SLC4A5: variants seen among roughly 807,000 people sequenced by gnomAD.
SLC4A5 encodes the protein solute carrier family 4 member 5, also known as electrogenic sodium bicarbonate cotransporter 4.
A neutral mutation model predicts 120.4 loss-of-function variants in SLC4A5; 96 were observed. The ratio of observed to expected loss-of-function variants is 0.80; its 90% CI spans 0.68 to 0.94. The LOEUF is 0.94. SLC4A5 is among the 40% of genes least tolerant of loss of function. The pLI is 0.00. For synonymous variants in SLC4A5, 550 were observed against 571.1 expected (o/e 0.96, Z 0.53); for missense variants, 1,259 against 1,459.5 (o/e 0.86, Z 2.24).
In SLC4A5 at chr2:74,232,666, G is replaced by T. The variant is rs1326151404; in HGVS notation, c.2596-19C>A. 6.2e-7 allele frequency: 1 copy of T among 1,608,740 alleles called. No homozygotes were observed. Among genetic ancestry groups the T allele is most frequent in the Non-Finnish European group, 8.5e-7 (1 of 1,178,536 alleles). On this transcript the variant is annotated intron_variant, in intron 23 of 30. Transcript: ENST00000394019. The stretch of plus-strand genomic sequence containing the variant: ...CAGCCTTCTGCAGGAGCGGGGTTGG[G>T]GGAGGGAGAAGTTTCTGGGGAGCCA...
At chr2:74,302,986 G>A (rs1672518838) in intron 7 of SLC4A5, among the ~76,000 whole-genome samples, 2 of 151,314 alleles carry the variant, frequency 1.3e-5, no homozygotes, top group African/African-American at 4.9e-5. Flanking sequence ...CTTTCCTCTT[G>A]GTCTCTGATG....
At chr2:74,312,577 G>A (rs1370140516) in intron 6 of SLC4A5, among the ~76,000 whole-genome samples, 3 of 152,104 alleles carry the variant, frequency 2.0e-5, no homozygotes, top group Non-Finnish European at 4.4e-5. Context: ...GTTGGGTCTT[G>A]TTTTTTGATC....
chr2:74,326,289 C>T (rs992786716), intron 5 of SLC4A5, among the ~76,000 whole-genome samples: 1 of 152,210 alleles, frequency 6.6e-6, no homozygotes, highest in Non-Finnish European at 1.5e-5. Context: ...CAGCCTCTGG[C>T]ATGCAGCAAA....
chr2:74,275,056 C>CT, intron 8 of SLC4A5, among the ~76,000 whole-genome samples: 1 of 152,314 alleles, frequency 6.6e-6, no homozygotes, highest in Admixed American at 6.5e-5. Context: ...GAATGAAAGT[C>CT]TTTCCTTTTG....
At chr2:74,307,601 G>A (rs1224989922) in intron 6 of SLC4A5, 18 of 733,212 alleles carry the variant, frequency 2.5e-5, no homozygotes, top group East Asian at 1.5e-4. Context: ...AGATCTGAGC[G>A]CTCATGTCCT....
intron 8 of SLC4A5, among the ~76,000 whole-genome samples, chr2:74,271,701 C>T (rs1266076321): frequency 1.3e-5 from 2 of 151,588 alleles, no homozygotes; most frequent in Non-Finnish European, 2.9e-5. Context: ...CTCCCTTCTG[C>T]TTGAGGGTAG....
intron 11 of SLC4A5, among the ~76,000 whole-genome samples, chr2:74,261,267 C>T (rs1421254473): frequency 6.6e-6 from 1 of 152,188 alleles, no homozygotes; most frequent in Non-Finnish European, 1.5e-5. Flanking sequence ...AAGGTCTTCC[C>T]GAAGCCACTC....
At chr2:74,227,773 C>T (rs1277817065) in intron 26 of SLC4A5, 37 bp downstream of exon 26, 1 of 1,549,732 alleles carries the variant, frequency 6.5e-7, no homozygotes, top group African/African-American at 1.4e-5. Flanking sequence ...GGAATGTTGA[C>T]TCCAGATCAT....
At chr2:74,282,037 G>A (rs1163380961) in intron 8 of SLC4A5, among the ~76,000 whole-genome samples, 2 of 152,156 alleles carry the variant, frequency 1.3e-5, no homozygotes, top group African/African-American at 4.8e-5. Flanking sequence ...TCCCTGAGTG[G>A]CTCCACTGGC....
chr2:74,227,362 A>G (rs760582209), intron 26 of SLC4A5, among the ~76,000 whole-genome samples: 1 of 152,250 alleles, frequency 6.6e-6, no homozygotes, highest in African/African-American at 2.4e-5. Context: ...TGGCCACAAA[A>G]TGGACATTGT....
At chr2:74,224,355 C>T (rs1406494947) in intron 28 of SLC4A5, among the ~76,000 whole-genome samples, 1 of 152,162 alleles carries the variant, frequency 6.6e-6, no homozygotes, top group Non-Finnish European at 1.5e-5. Flanking sequence ...CTTTCCCCAT[C>T]TTTGTCCTCA....
At chr2:74,241,468 C>T (rs181577720) in intron 20 of SLC4A5, among the ~76,000 whole-genome samples, 22 of 151,814 alleles carry the variant, frequency 1.4e-4, no homozygotes, top group South Asian at 8.3e-4. Context: ...GGGCCAGGCG[C>T]GGTGGCTCAC....
intron 3 of SLC4A5, among the ~76,000 whole-genome samples, chr2:74,335,228 T>C (rs1475010436): frequency 2.0e-5 from 3 of 152,232 alleles, no homozygotes; most frequent in Non-Finnish European, 2.9e-5. Context: ...GAATGAGACA[T>C]TGCTGGATGA....
intron 10 of SLC4A5, 74 bp downstream of exon 10, chr2:74,264,073 T>A: frequency 1.3e-6 from 2 of 1,528,088 alleles, no homozygotes; most frequent in South Asian, 2.6e-5. Context: ...GCCCCTAAGG[T>A]GGGCTCACCC....
intron 21 of SLC4A5, among the ~76,000 whole-genome samples, chr2:74,238,624 C>T (rs1477777447): frequency 6.6e-6 from 1 of 152,090 alleles, no homozygotes; most frequent in Non-Finnish European, 1.5e-5. Flanking sequence ...AAAGAATAGT[C>T]TTTAAAAAAT....
intron 30 of SLC4A5, among the ~76,000 whole-genome samples, chr2:74,220,434 AC>A (rs1694587708): frequency 6.6e-6 from 1 of 152,062 alleles, no homozygotes; most frequent in South Asian, 2.1e-4. Flanking sequence ...TCTACAGAGT[AC>A]CCCAGGGTTT....
intron 22 of SLC4A5, 46 bp from the exon 23 acceptor site, chr2:74,233,609 C>T: frequency 1.3e-6 from 2 of 1,552,212 alleles, no homozygotes; most frequent in South Asian, 2.4e-5. Context: ...TCTCCCTTGT[C>T]CCAGGGCACT....
intron 7 of SLC4A5, among the ~76,000 whole-genome samples, chr2:74,292,400 AAGGT>A (rs1672201749): frequency 1.3e-5 from 2 of 152,080 alleles, no homozygotes; most frequent in Non-Finnish European, 2.9e-5. Context: ...CTGCCCACAG[AAGGT>A]TTAGCTCACC....
intron 12 of SLC4A5, among the ~76,000 whole-genome samples, chr2:74,257,245 G>C (rs909328413): frequency 4.8e-5 from 7 of 145,442 alleles, no homozygotes; most frequent in African/African-American, 1.8e-4. Context: ...AATCCAATCA[G>C]ACAAAAAAAA....
Sources: gnomAD v4.1 joint callset for allele counts (sites outside exome capture counted in the v4.1 genomes callset) on GRCh38, gnomAD v4.1.1 for gene constraint, MANE v1.5 for transcripts, NCBI Gene and HGNC (gene_info 2026-07-23, HGNC 2026-07-21) for gene names.